PCDH9: variants seen among roughly 807,000 people sequenced by gnomAD.
The protein encoded by PCDH9 is protocadherin-9.
PCDH9 carries 24 observed loss-of-function variants against 70.6 expected under a neutral mutation model. The ratio of observed to expected loss-of-function variants is 0.34; its 90% CI spans 0.25 to 0.48. The LOEUF is 0.48. Among genes scored for constraint, PCDH9 ranks in the 20% least tolerant of loss-of-function variants. The pLI is 0.99. For synonymous variants in PCDH9, 562 were observed against 558.5 expected, an observed-to-expected ratio of 1.01 and a Z score of -0.09; for missense variants, 1,281 against 1,503.6, an observed-to-expected ratio of 0.85 and a Z score of 2.45.
intron 4 of PCDH9, among the ~76,000 whole-genome samples, chr13:66,442,252 T>C (rs183862766): frequency 1.2e-4 from 19 of 152,256 alleles, no homozygotes; most frequent in African/African-American, 1.2e-4. Flanking sequence ...GAGATCACTA[T>C]AGAAGTCCCT....
intron 2 of PCDH9, among the ~76,000 whole-genome samples, chr13:67,172,005 A>G (rs566995337): frequency 6.6e-6 from 1 of 152,346 alleles, no homozygotes; most frequent in African/African-American, 2.4e-5. Flanking sequence ...TACAGTCACA[A>G]TTTAAGACCA....
At chr13:66,908,496 C>T (rs1316711627) in intron 2 of PCDH9, among the ~76,000 whole-genome samples, 1 of 152,174 alleles carries the variant, frequency 6.6e-6, no homozygotes, top group Non-Finnish European at 1.5e-5. Flanking sequence ...TTCTCAGACA[C>T]AGGAACAATC....
rs186402530 is a variant in PCDH9, at chr13:66,851,691, C to T, written c.3138+51813G>A. Among the ~76,000 whole-genome samples the T allele has an allele frequency of 2.4e-3, 370 of 152,160 alleles. 2 individuals carry two copies. Among genetic ancestry groups the T allele is most frequent in the Non-Finnish European group, 3.7e-3 (253 of 68,018 alleles). ...CGGATTTTGCCATTACTTTTAATAA[C>T]TTACTGTAGACTTGGGTTCTTTGAC... On this transcript the variant is annotated intron_variant, in intron 3 of 4. Coordinates refer to ENST00000377865, the MANE Select transcript of PCDH9 (RefSeq NM_203487.3).
intron 4 of PCDH9, among the ~76,000 whole-genome samples, chr13:66,327,058 T>G (rs963288508): frequency 1.1e-4 from 16 of 152,158 alleles, no homozygotes; most frequent in Admixed American, 6.5e-5. Context: ...AATACAATTA[T>G]CTTTCCAAAG....
intron 2 of PCDH9, among the ~76,000 whole-genome samples, chr13:67,015,790 G>A (rs2084548980): frequency 6.6e-6 from 1 of 152,090 alleles, no homozygotes; most frequent in African/African-American, 2.4e-5. Flanking sequence ...TCTACCCAAG[G>A]AAAAGTAATC....
chr13:66,692,454 A>T (rs921282841), intron 3 of PCDH9, among the ~76,000 whole-genome samples: 1 of 152,086 alleles, frequency 6.6e-6, no homozygotes, highest in Non-Finnish European at 1.5e-5. Flanking sequence ...ACAGCTATCG[A>T]TTAAAGTTCA....
chr13:66,599,176 T>G (rs2077136282), intron 4 of PCDH9, among the ~76,000 whole-genome samples: 1 of 151,820 alleles, frequency 6.6e-6, no homozygotes, highest in African/African-American at 2.4e-5. Flanking sequence ...TTTTTACTAA[T>G]TGTTCATAAT....
intron 3 of PCDH9, among the ~76,000 whole-genome samples, chr13:66,747,273 C>A (rs1406078810): frequency 6.6e-6 from 1 of 152,136 alleles, no homozygotes; most frequent in African/African-American, 2.4e-5. Flanking sequence ...ATTGCATGAA[C>A]CCAGGAGGTG....
chr13:67,202,777 C>T (rs535153587), intron 2 of PCDH9: 8 of 152,036 alleles, frequency 5.3e-5, no homozygotes, highest in Non-Finnish European at 7.4e-5. Flanking sequence ...TATTCACATT[C>T]AATTTATGAG....
intron 2 of PCDH9, among the ~76,000 whole-genome samples, chr13:66,950,712 C>G (rs2083165666): frequency 6.6e-6 from 1 of 152,072 alleles, no homozygotes; most frequent in Admixed American, 6.6e-5. Context: ...AAAATATCAA[C>G]TCAGCACTGC....
intron 4 of PCDH9, among the ~76,000 whole-genome samples, chr13:66,522,438 A>G (rs61955969): frequency 0.016 from 2,494 of 152,260 alleles, 23 homozygotes; most frequent in Non-Finnish European, 0.026. Context: ...TTCAATAAGA[A>G]AGACAATTAC....
At chr13:66,924,528 T>C (rs1407903298) in intron 2 of PCDH9, among the ~76,000 whole-genome samples, 3 of 151,726 alleles carry the variant, frequency 2.0e-5, no homozygotes, top group African/African-American at 7.2e-5. Context: ...TACCAGTACT[T>C]AAATATACTA....
intron 3 of PCDH9, among the ~76,000 whole-genome samples, chr13:66,639,234 C>T (rs2077678619): frequency 1.3e-5 from 2 of 152,156 alleles, no homozygotes; most frequent in Admixed American, 6.6e-5. Flanking sequence ...GAGCTGTCAG[C>T]TTTTGTTCTA....
chr13:66,451,777 T>C (rs1401373831), intron 4 of PCDH9, among the ~76,000 whole-genome samples: 1 of 152,222 alleles, frequency 6.6e-6, no homozygotes, highest in Non-Finnish European at 1.5e-5. Flanking sequence ...ATGTATACTA[T>C]TAACATATGG....
chr13:66,512,235 C>CA (rs371278806), intron 4 of PCDH9, among the ~76,000 whole-genome samples: 2,204 of 148,696 alleles, frequency 0.015, 43 homozygotes, highest in African/African-American at 0.052. Context: ...ACATATTATA[C>CA]AAAAAAATTA....
chr13:67,148,007 A>T (rs920324123), intron 2 of PCDH9, among the ~76,000 whole-genome samples: 2 of 152,172 alleles, frequency 1.3e-5, no homozygotes, highest in Non-Finnish European at 2.9e-5. Flanking sequence ...GTCGGCTGCT[A>T]TAACGATTTC....
chr13:66,790,612 T>C lies in PCDH9; in HGVS notation c.3138+112892A>G, dbSNP rs553141836. On this transcript the variant is annotated intron_variant, in intron 3 of 4. Transcript: ENST00000377865. The stretch of plus-strand genomic sequence containing the variant: ...GTGTATGGTGTGAGGCAGGGGCCTG[T>C]TTAATGTTTTTAGTAAAATGAATAA... 1.6e-4 allele frequency among the ~76,000 whole-genome samples: 24 copies of C among 152,166 alleles called. No individual in the cohort carries two copies. In the South Asian group the frequency reaches 4.1e-3, roughly 26 times the overall value.
At chr13:66,658,449 T>G (rs1170389166) in intron 3 of PCDH9, among the ~76,000 whole-genome samples, 1 of 152,160 alleles carries the variant, frequency 6.6e-6, no homozygotes, top group Non-Finnish European at 1.5e-5. Context: ...ATTTATTGGT[T>G]AATTTACTTT....
At chr13:66,318,112 T>C (rs1566237343) in intron 4 of PCDH9, among the ~76,000 whole-genome samples, 1 of 152,156 alleles carries the variant, frequency 6.6e-6, no homozygotes, top group East Asian at 1.9e-4. Flanking sequence ...AGGATTACGT[T>C]TTCCAATCTA....
Sources: allele counts gnomAD v4.1 joint callset (sites outside exome capture counted in the v4.1 genomes callset), GRCh38; gene constraint gnomAD v4.1.1; transcripts MANE v1.5; gene names NCBI Gene and HGNC (gene_info 2026-07-23, HGNC 2026-07-21).